The following PIK3C3 variants were observed in gnomAD, a reference collection of about 807,000 sequenced individuals.
The protein encoded by PIK3C3 is PI3-kinase type 3.
Under a neutral mutation model 126.1 loss-of-function variants are expected in PIK3C3, and 95 were observed. The ratio of observed to expected loss-of-function variants is 0.75; its 90% CI spans 0.64 to 0.89. The LOEUF (loss-of-function observed/expected upper bound fraction) is 0.89, where lower values mean the gene tolerates loss of function less well. PIK3C3 is among the 40% of genes least tolerant of loss of function. The pLI is 0.00. For missense variants in PIK3C3, 829 were observed against 1,063.2 expected (o/e 0.78, Z 3.06); for synonymous variants, 374 against 360.0 (o/e 1.04, Z -0.44).
At chr18:42,057,632 T>C (rs555342046) in intron 21 of PIK3C3, 1 of 396,818 alleles carries the variant, frequency 2.5e-6, no homozygotes, top group South Asian at 3.2e-5. Context: ...GGATTTAACA[T>C]TTTTAGATTA....
chr18:42,021,694 G>T (rs893166956), intron 13 of PIK3C3, among the ~76,000 whole-genome samples: 3 of 152,132 alleles, frequency 2.0e-5, no homozygotes, highest in African/African-American at 7.2e-5. Context: ...GATGTCCATT[G>T]TAAAAGCTCA....
intron 2 of PIK3C3, among the ~76,000 whole-genome samples, chr18:41,957,977 T>C (rs866872194): frequency 6.6e-6 from 1 of 152,340 alleles, no homozygotes; most frequent in Middle Eastern, 3.4e-3. Context: ...AGTTAGCATA[T>C]TGACATTTTG....
At chr18:42,026,437 C>T (rs1983573266) in intron 13 of PIK3C3, 2 of 152,060 alleles carry the variant, frequency 1.3e-5, no homozygotes, top group Admixed American at 1.3e-4. Flanking sequence ...GCATATGTGG[C>T]TGTGTGTATC....
intron 21 of PIK3C3, 117 bp from the exon 22 acceptor site, chr18:42,057,766 C>G: frequency 1.1e-6 from 1 of 884,948 alleles, no homozygotes; most frequent in Non-Finnish European, 1.7e-6. Context: ...TAATAGGCTT[C>G]ATCGTGAACT....
chr18:42,042,920 A>G (rs968996584), intron 19 of PIK3C3, among the ~76,000 whole-genome samples: 1 of 152,122 alleles, frequency 6.6e-6, no homozygotes, highest in Non-Finnish European at 1.5e-5. Flanking sequence ...ATAAAAATAT[A>G]TGTATAGGCC....
At chr18:42,060,468 GA>G (rs1334855658) in intron 22 of PIK3C3, among the ~76,000 whole-genome samples, 1 of 152,056 alleles carries the variant, frequency 6.6e-6, no homozygotes, top group East Asian at 1.9e-4. Context: ...TTTCAATAGT[GA>G]AATAAGGAAT....
chr18:42,016,033 G>T (rs533539809), intron 12 of PIK3C3, among the ~76,000 whole-genome samples: 1 of 152,182 alleles, frequency 6.6e-6, no homozygotes, highest in East Asian at 1.9e-4. Flanking sequence ...AAGTACTTTG[G>T]AAAGTGCATT....
chr18:41,990,398 C>A (rs1263471582), intron 5 of PIK3C3, 61 bp from the exon 6 acceptor site: 24 of 937,752 alleles, frequency 2.6e-5, no homozygotes, highest in Non-Finnish European at 4.0e-5. Context: ...ATGATACATA[C>A]TGATCCTTTA....
intron 3 of PIK3C3, among the ~76,000 whole-genome samples, chr18:41,966,057 G>A (rs1375974105): frequency 6.6e-6 from 1 of 151,864 alleles, no homozygotes; most frequent in South Asian, 2.1e-4. Flanking sequence ...AATGAAACCT[G>A]TTAGAGAGAA....
chr18:42,069,284 G>C (rs1024379696), intron 24 of PIK3C3, among the ~76,000 whole-genome samples: 2 of 152,168 alleles, frequency 1.3e-5, no homozygotes, highest in African/African-American at 4.8e-5. Context: ...ACTCATCAAA[G>C]TCAACCAGCT....
intron 10 of PIK3C3, among the ~76,000 whole-genome samples, chr18:42,008,094 A>G: frequency 6.6e-6 from 1 of 152,196 alleles, no homozygotes; most frequent in East Asian, 1.9e-4. Flanking sequence ...GTATGCTGAT[A>G]CATTTCCTAA....
chr18:41,972,800 A>G (rs1980733920), intron 4 of PIK3C3, among the ~76,000 whole-genome samples: 4 of 152,070 alleles, frequency 2.6e-5, no homozygotes, highest in Non-Finnish European at 5.9e-5. Flanking sequence ...TGCTAACTCG[A>G]TATTCCCCTC....
chr18:42,032,324 T>C (rs937703908), intron 15 of PIK3C3, among the ~76,000 whole-genome samples: 1 of 152,218 alleles, frequency 6.6e-6, no homozygotes, highest in Non-Finnish European at 1.5e-5. Flanking sequence ...ATGGAATTTA[T>C]CCTTGTAAAT....
intron 10 of PIK3C3, among the ~76,000 whole-genome samples, chr18:42,008,447 T>C (rs1387120677): frequency 6.6e-6 from 1 of 152,150 alleles, no homozygotes; most frequent in Non-Finnish European, 1.5e-5. Flanking sequence ...GTAGTAGCCA[T>C]TGAGAGGCAA....
chr18:41,977,288 GCAACCTCAAAGGA>G (rs1980970284), intron 4 of PIK3C3, among the ~76,000 whole-genome samples: 1 of 152,132 alleles, frequency 6.6e-6, no homozygotes, highest in South Asian at 2.1e-4. Flanking sequence ...CATAGTCAGT[GCAACCTCAAAGGA>G]CAAAGGCCTA....
intron 15 of PIK3C3, among the ~76,000 whole-genome samples, chr18:42,033,095 C>CA (rs1007110282): frequency 1.3e-5 from 2 of 152,106 alleles, no homozygotes; most frequent in Non-Finnish European, 2.9e-5. Flanking sequence ...TTTAGGTGAG[C>CA]AAGCCCTGCT....
At chr18:42,043,700 T>C in intron 19 of PIK3C3, 33 bp from the exon 20 acceptor site, 1 of 1,421,234 alleles carries the variant, frequency 7.0e-7, no homozygotes, top group Non-Finnish European at 9.9e-7. Context: ...TGTTTGTACT[T>C]AATTCTAAAA....
intron 3 of PIK3C3, among the ~76,000 whole-genome samples, chr18:41,969,345 G>A (rs370881207): frequency 2.0e-4 from 30 of 152,196 alleles, no homozygotes; most frequent in African/African-American, 6.5e-4. Flanking sequence ...AAAAGAAACC[G>A]CATTAACAGA....
At chr18:41,982,294 A>G (rs1981245753) in intron 4 of PIK3C3, among the ~76,000 whole-genome samples, 1 of 152,180 alleles carries the variant, frequency 6.6e-6, no homozygotes, top group East Asian at 1.9e-4. Flanking sequence ...TCTTTTGTAT[A>G]TAGTAGTACC....
Sources: gnomAD v4.1 joint callset for allele counts (sites outside exome capture counted in the v4.1 genomes callset) on GRCh38, gnomAD v4.1.1 for gene constraint, MANE v1.5 for transcripts, NCBI Gene and HGNC (gene_info 2026-07-23, HGNC 2026-07-21) for gene names.